ZNF385D: variants seen among roughly 807,000 people sequenced by gnomAD.
The protein encoded by ZNF385D is zinc finger protein 385D.
Under a neutral mutation model 35.8 loss-of-function variants are expected in ZNF385D, and 15 were observed. The observed-to-expected ratio is 0.42, with a 90% CI of 0.28 to 0.64. The LOEUF is 0.64. Among genes scored for constraint, ZNF385D ranks in the 30% least tolerant of loss-of-function variants. The pLI, the probability that ZNF385D is intolerant of heterozygous loss-of-function variation, is 0.23. For missense variants in ZNF385D, 474 were observed against 494.6 expected (o/e 0.96, Z 0.39); for synonymous variants, 212 against 186.8 (o/e 1.13, Z -1.10).
At chr3:21,645,276 A>C (rs1009066201) in intron 2 of ZNF385D, among the ~76,000 whole-genome samples, 1 of 152,250 alleles carries the variant, frequency 6.6e-6, no homozygotes, top group Non-Finnish European at 1.5e-5. Context: ...GTCACTGATA[A>C]AATAAACAGT....
At chr3:21,536,320 A>C (rs2062035086) in intron 3 of ZNF385D, among the ~76,000 whole-genome samples, 1 of 152,094 alleles carries the variant, frequency 6.6e-6, no homozygotes, top group African/African-American at 2.4e-5. Context: ...ATGATGTCAG[A>C]AAATGGAGTA....
intron 2 of ZNF385D, among the ~76,000 whole-genome samples, chr3:22,175,120 A>T (rs2125769041): frequency 6.6e-6 from 1 of 152,042 alleles, no homozygotes; most frequent in East Asian, 1.9e-4. Context: ...TGTATGATAT[A>T]TACAAATCCT....
At chr3:22,177,866 G>A (rs931725603) in intron 2 of ZNF385D, among the ~76,000 whole-genome samples, 4 of 152,132 alleles carry the variant, frequency 2.6e-5, no homozygotes, top group African/African-American at 9.7e-5. Flanking sequence ...AGTTTGCTGA[G>A]AATGATGGTT....
intron 2 of ZNF385D, among the ~76,000 whole-genome samples, chr3:22,361,561 T>C (rs1696408867): frequency 6.6e-6 from 1 of 152,062 alleles, no homozygotes; most frequent in Admixed American, 6.6e-5. Context: ...AAAGTTTCAT[T>C]AGTGCTCCCT....
At chr3:22,130,789 G>C (rs1703740152) in intron 3 of ZNF385D, among the ~76,000 whole-genome samples, 1 of 152,120 alleles carries the variant, frequency 6.6e-6, no homozygotes, top group Non-Finnish European at 1.5e-5. Flanking sequence ...TTGCTCACCA[G>C]ATTTTTGGTT....
intron 2 of ZNF385D, among the ~76,000 whole-genome samples, chr3:22,176,528 A>T (rs550150393): frequency 1.3e-5 from 2 of 152,320 alleles, no homozygotes; most frequent in South Asian, 4.1e-4. Flanking sequence ...ACAGCATCAC[A>T]TTAAATTTGT....
intron 2 of ZNF385D, among the ~76,000 whole-genome samples, chr3:22,232,741 G>A (rs937477977): frequency 6.6e-6 from 1 of 152,170 alleles, no homozygotes; most frequent in Non-Finnish European, 1.5e-5. Context: ...TGGCTGCATA[G>A]TATTCCATGG....
rs113448105 is a variant in ZNF385D, at chr3:22,341,620, A to G, written c.106+30830T>C. Among the ~76,000 whole-genome samples the G allele has an allele frequency of 6.1e-4, 93 of 152,292 alleles. 2 individuals are homozygous for G. The highest frequency in any genetic ancestry group is 2.2e-3 in the African/African-American group (90 of 41,576). ...AGGGGTATTCCTTTATTCCTCCTCC[A>G]TTACTATTCACTATAAAACGTAAAT... On this transcript the variant is annotated intron_variant, in intron 2 of 5. Transcript: ENST00000494108.
At chr3:21,818,783 AT>A (rs1182791583) in intron 3 of ZNF385D, among the ~76,000 whole-genome samples, 1 of 151,910 alleles carries the variant, frequency 6.6e-6, no homozygotes, top group South Asian at 2.1e-4. Context: ...ATATTTTTGT[AT>A]TTTTTAATAT....
chr3:21,964,244 C>T lies in ZNF385D; in HGVS notation c.325+204573G>A, dbSNP rs533257496. Among the ~76,000 whole-genome samples, 4 of 151,534 alleles carry T rather than the reference C, an allele frequency of 2.6e-5. No individual in the cohort carries two copies. In the East Asian group the frequency reaches 7.8e-4, roughly 29 times the overall value. On this transcript the variant is annotated intron_variant, in intron 3 of 5. Transcript: ENST00000494108. ...GAGATACAAATTTCTCCTTCTGTGT[C>T]TCCTTCATTCGCTAAAAACTGAAAT...
At chr3:21,451,275 TAA>T (rs1325755110) in intron 4 of ZNF385D, among the ~76,000 whole-genome samples, 1 of 152,024 alleles carries the variant, frequency 6.6e-6, no homozygotes, top group Non-Finnish European at 1.5e-5. Flanking sequence ...GAGACGCTAA[TAA>T]AAAAAGTGTC....
chr3:21,777,915 A>T (rs2071349641), intron 3 of ZNF385D: 1 of 151,816 alleles, frequency 6.6e-6, no homozygotes, highest in African/African-American at 2.4e-5. Flanking sequence ...AAAACCTGAC[A>T]TAAGAAGCGG....
intron 2 of ZNF385D, among the ~76,000 whole-genome samples, chr3:22,208,717 TAAAA>T (rs35531397): frequency 2.0e-5 from 3 of 150,612 alleles, no homozygotes; most frequent in Admixed American, 1.3e-4. Context: ...AAGTAAAAAT[TAAAA>T]AAAAAATTTA....
At chr3:21,941,561 G>C (rs2125275111) in intron 3 of ZNF385D, among the ~76,000 whole-genome samples, 1 of 125,120 alleles carries the variant, frequency 8.0e-6, no homozygotes, top group Non-Finnish European at 1.6e-5. Flanking sequence ...GCAGTGGCAT[G>C]ATCTCGGCTC....
rs996945512 is a variant in ZNF385D, at chr3:21,995,135, A to C, written c.325+173682T>G. 5.9e-5 allele frequency among the ~76,000 whole-genome samples: 9 copies of C among 152,314 alleles called. No homozygotes were observed. In the South Asian group the frequency reaches 1.9e-3, roughly 32 times the overall value. ...TTTATATCAGTAGCATCAATAAGCCAACCTTCAGGCCCCTAGGCAACAACA... is the reference window on the plus strand; with the variant it reads ...TTTATATCAGTAGCATCAATAAGCCCACCTTCAGGCCCCTAGGCAACAACA... On this transcript the variant is annotated intron_variant, in intron 3 of 5. Coordinates refer to the ZNF385D transcript ENST00000494108.
At chr3:21,688,710 A>G (rs1230677441) in intron 1 of ZNF385D, among the ~76,000 whole-genome samples, 1 of 152,194 alleles carries the variant, frequency 6.6e-6, no homozygotes, top group Non-Finnish European at 1.5e-5. Context: ...CATTTAATTA[A>G]CAACTCTAGG....
intron 2 of ZNF385D, among the ~76,000 whole-genome samples, chr3:22,271,245 G>C (rs1701161641): frequency 6.6e-6 from 1 of 150,798 alleles, no homozygotes; most frequent in Non-Finnish European, 1.5e-5. Flanking sequence ...TTTCTTCATA[G>C]CAGAAAAAAG....
chr3:21,657,394 T>C (rs2066103040), intron 2 of ZNF385D, among the ~76,000 whole-genome samples: 1 of 152,012 alleles, frequency 6.6e-6, no homozygotes, highest in African/African-American at 2.4e-5. Context: ...TCGAGGTCAC[T>C]ATAATAAGTA....
chr3:21,740,515 G>A (rs2069461319), intron 1 of ZNF385D, among the ~76,000 whole-genome samples: 1 of 152,054 alleles, frequency 6.6e-6, no homozygotes, highest in Non-Finnish European at 1.5e-5. Context: ...CTTCTTTTGG[G>A]TACCAGCTCT....
Sources: allele counts gnomAD v4.1 joint callset (sites outside exome capture counted in the v4.1 genomes callset), GRCh38; gene constraint gnomAD v4.1.1; transcripts MANE v1.5; gene names NCBI Gene and HGNC (gene_info 2026-07-23, HGNC 2026-07-21).